The following FAHD1 variants were observed in gnomAD, a reference collection of about 807,000 sequenced individuals.
FAHD1 encodes oxaloacetate tautomerase FAHD1, mitochondrial.
Under a neutral mutation model 12.7 loss-of-function variants are expected in FAHD1, and 14 were observed. The ratio of observed to expected loss-of-function variants is 1.10; its 90% confidence interval spans 0.73 to 1.72. The LOEUF (loss-of-function observed/expected upper bound fraction) is 1.72. Among genes scored for constraint, FAHD1 ranks in the 40% most tolerant of loss-of-function variants. The pLI, the probability that FAHD1 is intolerant of heterozygous loss-of-function variation, is 0.00. For synonymous variants in FAHD1, 153 were observed against 124.9 expected, an observed-to-expected ratio of 1.22 and a Z score of -1.50; for missense variants, 351 against 298.9, an observed-to-expected ratio of 1.17 and a Z score of -1.29.
In FAHD1 at chr16:1,827,233, G is replaced by A. The variant is rs769628893; in HGVS notation, c.-6G>A. The A allele has an allele frequency of 1.9e-6, 3 of 1,597,998 alleles. No homozygotes were observed. The African/African-American group carries it at 4.0e-5, about 21-fold the overall frequency. ...CACGTGACTACAGGGGCACTTGATGGGAATCATGGCAGCATCCAGGCCATT... is the reference window on the plus strand; with the variant it reads ...CACGTGACTACAGGGGCACTTGATGAGAATCATGGCAGCATCCAGGCCATT... On this transcript the variant is annotated 5_prime_UTR_variant, in exon 1 of 1. Coordinates refer to ENST00000427358, the Ensembl canonical transcript of FAHD1.
chr16:1,836,879 CAGTACAGCAAGT>C (rs1250689146), intron 1 of FAHD1, among the ~76,000 whole-genome samples: 15 of 152,140 alleles, frequency 9.9e-5, no homozygotes, highest in Admixed American at 9.8e-4. Flanking sequence ...TATTAAGCTG[CAGTACAGCAAGT>C]ATCAGTAGAT....
intron 2 of FAHD1, among the ~76,000 whole-genome samples, chr16:1,838,613 G>C (rs1193255071): frequency 1.3e-5 from 2 of 152,068 alleles, no homozygotes; most frequent in African/African-American, 4.8e-5. Flanking sequence ...ACCACCTTAT[G>C]ACTGATCAAC....
downstream of FAHD1, among the ~76,000 whole-genome samples, chr16:1,833,488 T>G (rs1898659893): frequency 3.3e-5 from 5 of 149,746 alleles, 1 homozygote; most frequent in South Asian, 1.1e-3. Context: ...CCCCTTGCCC[T>G]CATCCTGTCA....
At chr16:1,836,232 C>T (rs9652776) in intron 1 of FAHD1, among the ~76,000 whole-genome samples, 27,048 of 152,034 alleles carry the variant, frequency 0.18, 2,567 homozygotes, top group South Asian at 0.27. Context: ...TTGTAAAATA[C>T]TGTGTTACCT....
chr16:1,838,849 A>G (rs1262652142), intron 2 of FAHD1, among the ~76,000 whole-genome samples: 1 of 151,974 alleles, frequency 6.6e-6, no homozygotes, highest in East Asian at 1.9e-4. Context: ...ACGTCACCAC[A>G]CCCAGCTAAT....
At chr16:1,833,504 G>T (rs1205493518), downstream of FAHD1, among the ~76,000 whole-genome samples, 1 of 149,432 alleles carries the variant, frequency 6.7e-6, no homozygotes, top group Non-Finnish European at 1.5e-5. Context: ...TGTCAGATCT[G>T]TCAGATGACG....
chr16:1,827,545 C>A (rs370268598), exon 1 of FAHD1: 1 of 1,613,282 alleles, frequency 6.2e-7, no homozygotes, highest in Non-Finnish European at 8.5e-7. Context: ...TATGACCGCC[C>A]GGGACGTGCA....
downstream of FAHD1, among the ~76,000 whole-genome samples, chr16:1,833,709 G>A (rs183710275): frequency 2.0e-5 from 3 of 151,822 alleles, no homozygotes; most frequent in East Asian, 3.9e-4. Flanking sequence ...CAACAGGCAC[G>A]TGCCACCACA....
At chr16:1,828,947 G>A, downstream of FAHD1, 1 of 997,352 alleles carries the variant, frequency 1.0e-6, no homozygotes, top group Non-Finnish European at 1.2e-6. Context: ...CCCCAGTAAT[G>A]ACGAGGAGGG....
chr16:1,835,070 TAA>T (rs1172815018), intron 1 of FAHD1, among the ~76,000 whole-genome samples: 2 of 151,324 alleles, frequency 1.3e-5, no homozygotes, highest in African/African-American at 4.9e-5. Flanking sequence ...GCCTGGCCAA[TAA>T]AGTGAAACCC....
chr16:1,827,822 C>G (rs141586613), exon 1 of FAHD1: 1 of 1,614,022 alleles, frequency 6.2e-7, no homozygotes, highest in Non-Finnish European at 8.5e-7. Flanking sequence ...GGAGTTGGAC[C>G]GGTTAAAGAA....
intron 2 of FAHD1, chr16:1,839,188 A>G (rs55829224): frequency 0.17 from 245,211 of 1,456,070 alleles, 21,927 homozygotes; most frequent in South Asian, 0.28. Flanking sequence ...AAAACAACCT[A>G]TATTTTTTTG....
chr16:1,835,884 C>T (rs1464282857), intron 1 of FAHD1, among the ~76,000 whole-genome samples: 1 of 148,670 alleles, frequency 6.7e-6, no homozygotes, highest in Non-Finnish European at 1.5e-5. Flanking sequence ...TTTTGAGACA[C>T]AGTCTCACTC....
exon 1 of FAHD1, chr16:1,828,733 C>A: frequency 2.1e-6 from 2 of 964,094 alleles, no homozygotes; most frequent in Non-Finnish European, 2.5e-6. Context: ...TGATTCTTAT[C>A]AGGAAATGTG....
At chr16:1,829,868 C>CTTTTT (rs140341882), downstream of FAHD1, among the ~76,000 whole-genome samples, 2 of 149,734 alleles carry the variant, frequency 1.3e-5, no homozygotes, top group South Asian at 4.2e-4. Context: ...TTCTTTCTTT[C>CTTTTT]TTTTTTCTTT....
rs187630331 is a variant in FAHD1, at chr16:1,827,426, G to T, written c.188G>T (p.Arg63Leu). 1.9e-6 allele frequency: 3 copies of T among 1,610,254 alleles called. No homozygotes were observed. The highest frequency in any genetic ancestry group is 4.5e-5 in the East Asian group (2 of 44,764). Reference sequence around the variant, plus strand: ...CCCATCCTCATGCCCGCGTACACTCGCAACCTGCACCACGAGCTGGAGCTG... The same window carrying T: ...CCCATCCTCATGCCCGCGTACACTCTCAACCTGCACCACGAGCTGGAGCTG... Residue 63 changes from arginine to leucine, a missense_variant, in exon 1 of 1, where the codon CGC becomes CTC. By Grantham distance (102) the Arg-to-Leu change is moderately radical. Coordinates refer to ENST00000427358, the Ensembl canonical transcript of FAHD1.
downstream of FAHD1, among the ~76,000 whole-genome samples, chr16:1,832,504 A>G (rs62038397): frequency 0.18 from 26,776 of 148,466 alleles, 2,528 homozygotes; most frequent in South Asian, 0.29. Context: ...TATAAGTGTC[A>G]GCTGGGCACG....
exon 3 of FAHD1, chr16:1,839,267 A>G: frequency 1.2e-6 from 2 of 1,607,052 alleles, no homozygotes; most frequent in Non-Finnish European, 1.7e-6. Context: ...TGCAGCCCAA[A>G]GTCTCCTCAG....
intron 2 of FAHD1, among the ~76,000 whole-genome samples, chr16:1,838,580 C>A (rs556057233): frequency 6.6e-5 from 10 of 152,254 alleles, no homozygotes; most frequent in African/African-American, 2.2e-4. Context: ...GTAGGTGAAA[C>A]ACAGCCAAAT....
Sources: gnomAD v4.1 joint callset for allele counts (sites outside exome capture counted in the v4.1 genomes callset) on GRCh38, gnomAD v4.1.1 for gene constraint, MANE v1.5 for transcripts, NCBI Gene and HGNC (gene_info 2026-07-23, HGNC 2026-07-21) for gene names.